TMEM123: variants seen among roughly 807,000 people sequenced by gnomAD.
The protein encoded by TMEM123 is porimin.
In TMEM123, 16 loss-of-function variants were observed where a neutral mutation model predicts 19.7. The observed-to-expected ratio is 0.81, with a 90% CI of 0.55 to 1.23. The LOEUF is 1.23. Ranked by LOEUF, TMEM123 falls within the 50% of genes most tolerant of loss-of-function variation. TMEM123 has a pLI of 0.00. For missense variants in TMEM123, 313 were observed against 257.8 expected (o/e 1.21, Z -1.47); for synonymous variants, 118 against 99.4 (o/e 1.19, Z -1.12).
intron 4 of TMEM123, among the ~76,000 whole-genome samples, chr11:102,399,912 G>A (rs1161226563): frequency 6.6e-6 from 1 of 151,592 alleles, no homozygotes; most frequent in Non-Finnish European, 1.5e-5. Context: ...AGAGGTTGCA[G>A]TGAGCCGAGA....
chr11:102,419,765 G>C (rs1952070874), intron 2 of TMEM123, among the ~76,000 whole-genome samples: 1 of 152,176 alleles, frequency 6.6e-6, no homozygotes, highest in Non-Finnish European at 1.5e-5. Flanking sequence ...GTGTGGATTA[G>C]AGGTATTAAG....
At chr11:102,448,341 G>A (rs1857905057) in intron 2 of TMEM123, 1 of 453,796 alleles carries the variant, frequency 2.2e-6, no homozygotes. Context: ...AAATCACAGG[G>A]TAAGGGCCTC....
intron 2 of TMEM123, among the ~76,000 whole-genome samples, chr11:102,436,742 C>CCAGCCA (rs1857766793): frequency 6.8e-6 from 1 of 147,344 alleles, no homozygotes; most frequent in African/African-American, 2.4e-5. Context: ...CAATTTTAGT[C>CCAGCCA]TGAAAGAAGG....
intron 2 of TMEM123, chr11:102,448,248 C>G (rs1857903928): frequency 2.2e-6 from 1 of 456,076 alleles, no homozygotes; most frequent in African/African-American, 2.0e-5. Flanking sequence ...TGATGATTTA[C>G]TACTGATATT....
Position 102,404,564 on chromosome 11 carries a change from G to T in TMEM123, c.158-2358C>A, listed in dbSNP as rs1323849704. On this transcript the variant is annotated intron_variant, in intron 2 of 4. Transcript: ENST00000398136. ...CTCTCAAAGTGCTAGTACTACAGGT[G>T]TGAGCCCCTGCACCTGGCCCCTATA... 2.0e-5 allele frequency among the ~76,000 whole-genome samples: 3 copies of T among 151,986 alleles called. No individual in the cohort carries two copies. The East Asian group carries it at 5.8e-4, about 29-fold the overall frequency.
chr11:102,428,911 GA>G (rs1353958202), intron 2 of TMEM123, among the ~76,000 whole-genome samples: 1 of 152,174 alleles, frequency 6.6e-6, no homozygotes, highest in Non-Finnish European at 1.5e-5. Flanking sequence ...GTGGCCAGTA[GA>G]ATGAACATCT....
chr11:102,409,507 A>G (rs1951984149), intron 2 of TMEM123, among the ~76,000 whole-genome samples: 1 of 152,174 alleles, frequency 6.6e-6, no homozygotes, highest in Admixed American at 6.5e-5. Context: ...TTCTGAATTC[A>G]AATTACCTGG....
chr11:102,398,766 A>G lies in TMEM123; in HGVS notation c.*101T>C. ...TACATTATATGCATGGCCTGTTTAT[A>G]CTATTTTCAAAAAGAGAATATTGTT... On this transcript the variant is annotated 3_prime_UTR_variant, in exon 5 of 5. Transcript: ENST00000398136. 1 of 1,194,364 alleles carries G rather than the reference A, an allele frequency of 8.4e-7. No individual in the cohort carries two copies. Among genetic ancestry groups the G allele is most frequent in the African/African-American group, 1.5e-5 (1 of 64,988 alleles). The allele number at this position is 1,194,364 out of a possible 1,614,324, so 74.0% of individuals were successfully genotyped here.
intron 2 of TMEM123, among the ~76,000 whole-genome samples, chr11:102,438,606 A>C (rs181779034): frequency 6.6e-6 from 1 of 152,364 alleles, no homozygotes; most frequent in African/African-American, 2.4e-5. Context: ...ATGATGTTAA[A>C]AATTACCAGC....
intron 2 of TMEM123, 70 bp downstream of exon 2, chr11:102,448,742 T>A (rs1030196911): frequency 1.1e-5 from 17 of 1,488,434 alleles, no homozygotes; most frequent in Admixed American, 1.7e-5. Flanking sequence ...TATGCCTACT[T>A]CCCTGGCTGT....
chr11:102,452,764 A>C lies in TMEM123; in HGVS notation c.-141T>G. 5.2e-6 allele frequency: 3 copies of C among 577,188 alleles called. No individual in the cohort carries two copies. The highest frequency in any genetic ancestry group is 7.9e-6 in the Non-Finnish European group (3 of 380,064). The allele number at this position is 577,188 out of a possible 1,614,324, so 35.8% of individuals were successfully genotyped here. A position where few individuals can be genotyped will look rare whatever the true frequency, so the allele number is the denominator to read the frequency against. On this transcript the variant is annotated 5_prime_UTR_variant, in exon 1 of 5. Coordinates refer to ENST00000398136, the MANE Select transcript of TMEM123 (RefSeq NM_052932.3). ...TCCCCTCCCGCCGCTTGCCCCCCGA[A>C]TGACCAAATAGGGCGCAGGAGCGGG...
At chr11:102,431,125 T>C (rs1416546112) in intron 2 of TMEM123, among the ~76,000 whole-genome samples, 1 of 152,136 alleles carries the variant, frequency 6.6e-6, no homozygotes, top group African/African-American at 2.4e-5. Context: ...TGTGCTTATG[T>C]CATTGGATTA....
At chr11:102,452,334 G>T in intron 1 of TMEM123, 190 bp downstream of exon 1, 1 of 424,812 alleles carries the variant, frequency 2.4e-6, no homozygotes, top group Non-Finnish European at 4.0e-6. Flanking sequence ...TCAGCAGGCG[G>T]CCCCGGGGCC....
Position 102,396,388 on chromosome 11 carries a change from A to C in TMEM123, c.*2479T>G, listed in dbSNP as rs936999709. ...TAGAACTTGGTAACAATGAAATACC[A>C]AAAGCTGGTCATTATAATAAAAAGA... On this transcript the variant is annotated 3_prime_UTR_variant, in exon 5 of 5. Coordinates refer to ENST00000398136, the MANE Select transcript of TMEM123 (RefSeq NM_052932.3). 6.6e-6 allele frequency: 1 copy of C among 152,276 alleles called. No homozygotes were observed. Among genetic ancestry groups the C allele is most frequent in the Non-Finnish European group, 1.5e-5 (1 of 68,050 alleles). The allele number at this position is 152,276 out of a possible 1,614,324, so 9.4% of individuals were successfully genotyped here. A position where few individuals can be genotyped will look rare whatever the true frequency, so the allele number is the denominator to read the frequency against.
At chr11:102,437,889 T>A (rs188192907) in intron 2 of TMEM123, among the ~76,000 whole-genome samples, 85 of 152,220 alleles carry the variant, frequency 5.6e-4, no homozygotes, top group African/African-American at 1.9e-3. Flanking sequence ...TTCCTCCCCC[T>A]AGCATTTGTA....
At chr11:102,403,685 G>A (rs182500357) in intron 2 of TMEM123, among the ~76,000 whole-genome samples, 23 of 152,230 alleles carry the variant, frequency 1.5e-4, no homozygotes, top group Admixed American at 1.4e-3. Context: ...CTCCAATGTG[G>A]CGGTCTTGGG....
intron 2 of TMEM123, among the ~76,000 whole-genome samples, chr11:102,425,071 T>C (rs1952115243): frequency 6.6e-6 from 1 of 152,254 alleles, no homozygotes; most frequent in Non-Finnish European, 1.5e-5. Context: ...TGATAGCATA[T>C]GTGTCTAATA....
chr11:102,425,570 TTTTTTC>T (rs1279078467), intron 2 of TMEM123, among the ~76,000 whole-genome samples: 1 of 149,770 alleles, frequency 6.7e-6, no homozygotes, highest in African/African-American at 2.5e-5. Context: ...TTGTTTTTTT[TTTTTTC>T]TTTTTTCTTT....
At chr11:102,426,146 T>C (rs1952124675) in intron 2 of TMEM123, among the ~76,000 whole-genome samples, 1 of 152,192 alleles carries the variant, frequency 6.6e-6, no homozygotes, top group Admixed American at 6.5e-5. Context: ...GTAACAGAAT[T>C]TCCTCTAAAT....
Sources: gnomAD v4.1 joint callset for allele counts (sites outside exome capture counted in the v4.1 genomes callset) on GRCh38, gnomAD v4.1.1 for gene constraint, MANE v1.5 for transcripts, NCBI Gene and HGNC (gene_info 2026-07-23, HGNC 2026-07-21) for gene names.